The following CSMD1 variants were observed in gnomAD, a reference collection of about 807,000 sequenced individuals.
CSMD1 encodes CUB and Sushi multiple domains 1.
A neutral mutation model predicts 417.5 loss-of-function variants in CSMD1; 213 were observed. The observed-to-expected ratio is 0.51, with a 90% CI of 0.46 to 0.57. The LOEUF is 0.57. Ranked by LOEUF, CSMD1 falls within the 20% of genes least tolerant of loss-of-function variation. The pLI is 0.00. For synonymous variants in CSMD1, 2,862 were observed against 1,736.8 expected, an observed-to-expected ratio of 1.65 and a Z score of -16.11; for missense variants, 6,923 against 4,529.7, an observed-to-expected ratio of 1.53 and a Z score of -15.17.
At chr8:4,106,112 G>A (rs763646998) in intron 3 of CSMD1, among the ~76,000 whole-genome samples, 2 of 152,210 alleles carry the variant, frequency 1.3e-5, no homozygotes, top group South Asian at 4.1e-4. Context: ...ACCCTTGTGG[G>A]TGGAGGGAAA....
At chr8:2,990,502 C>G (rs539977247) in intron 54 of CSMD1, among the ~76,000 whole-genome samples, 2 of 152,130 alleles carry the variant, frequency 1.3e-5, no homozygotes, top group Admixed American at 6.5e-5. Flanking sequence ...CCTCTCTCTA[C>G]GAACCCATTA....
At chr8:3,138,096 G>A (rs1356281059) in intron 41 of CSMD1, among the ~76,000 whole-genome samples, 3 of 152,056 alleles carry the variant, frequency 2.0e-5, no homozygotes, top group Non-Finnish European at 4.4e-5. Context: ...CATGGTGGCG[G>A]GTGCCTGTAA....
chr8:4,740,585 T>C (rs73661106), intron 1 of CSMD1, among the ~76,000 whole-genome samples: 2,174 of 152,238 alleles, frequency 0.014, 44 homozygotes, highest in African/African-American at 0.046. Context: ...TGGTCTCAGA[T>C]AGCGTAACAA....
At chr8:3,307,593 A>AGAAACTTTAACCATGGATATTTGGT (rs1563253488) in intron 25 of CSMD1, 102 bp downstream of exon 25, 1 of 1,323,928 alleles carries the variant, frequency 7.6e-7, no homozygotes, top group African/African-American at 1.5e-5. Context: ...TCTTTAGTTC[A>AGAAACTTTAACCATGGATATTTGGT]GAAACTTTAA....
chr8:4,030,212 C>A (rs1479039649), intron 4 of CSMD1, among the ~76,000 whole-genome samples: 1 of 152,144 alleles, frequency 6.6e-6, no homozygotes, highest in Non-Finnish European at 1.5e-5. Flanking sequence ...TAGGGCGGTG[C>A]CCCAGTAGGG....
chr8:4,252,704 CATTGGTTGT>C (rs1177592399), intron 3 of CSMD1, among the ~76,000 whole-genome samples: 1 of 152,182 alleles, frequency 6.6e-6, no homozygotes, highest in Non-Finnish European at 1.5e-5. Flanking sequence ...AACAATATCT[CATTGGTTGT>C]ATTGGTTGTA....
At chr8:4,726,271 T>G (rs138382625) in intron 1 of CSMD1, among the ~76,000 whole-genome samples, 50 of 152,106 alleles carry the variant, frequency 3.3e-4, no homozygotes, top group African/African-American at 1.1e-3. Flanking sequence ...CCCCGCTTCT[T>G]TGATCCTTTG....
At chr8:3,334,896 G>T (rs370664254) in intron 23 of CSMD1, among the ~76,000 whole-genome samples, 3 of 152,208 alleles carry the variant, frequency 2.0e-5, no homozygotes, top group Non-Finnish European at 2.9e-5. Flanking sequence ...GTCACCACTG[G>T]GTGATCCCAT....
chr8:3,405,385 G>C (rs778809371), intron 15 of CSMD1, among the ~76,000 whole-genome samples: 31 of 152,066 alleles, frequency 2.0e-4, no homozygotes, highest in Non-Finnish European at 3.1e-4. Flanking sequence ...ATATTTATTA[G>C]ATAAGTAACC....
At chr8:3,612,504 G>C (rs1801943823) in intron 8 of CSMD1, among the ~76,000 whole-genome samples, 1 of 152,056 alleles carries the variant, frequency 6.6e-6, no homozygotes, top group East Asian at 1.9e-4. Flanking sequence ...TAAAATATGT[G>C]TTATTTTCAA....
At chr8:4,461,716 C>A (rs980420395) in intron 2 of CSMD1, among the ~76,000 whole-genome samples, 1 of 147,442 alleles carries the variant, frequency 6.8e-6, no homozygotes, top group Admixed American at 6.9e-5. Context: ...ATAGCCAGCT[C>A]ATCTTATTTA....
intron 7 of CSMD1, among the ~76,000 whole-genome samples, chr8:3,692,503 G>C (rs566109669): frequency 7.1e-6 from 1 of 140,358 alleles, no homozygotes; most frequent in Non-Finnish European, 1.5e-5. Context: ...GTGCACTGGC[G>C]CGATATCGGC....
At chr8:3,660,956 G>C (rs1394017889) in intron 7 of CSMD1, among the ~76,000 whole-genome samples, 6 of 152,152 alleles carry the variant, frequency 3.9e-5, no homozygotes, top group Non-Finnish European at 7.3e-5. Context: ...AGACTGACAG[G>C]TGTGAAGCAG....
intron 1 of CSMD1, among the ~76,000 whole-genome samples, chr8:4,663,361 T>G (rs1328070927): frequency 6.6e-6 from 1 of 152,174 alleles, no homozygotes; most frequent in Non-Finnish European, 1.5e-5. Context: ...CTACAGGTAT[T>G]TCTTTCCTCT....
At chr8:3,893,551 A>G (rs919280064) in intron 5 of CSMD1, among the ~76,000 whole-genome samples, 2 of 151,712 alleles carry the variant, frequency 1.3e-5, no homozygotes, top group South Asian at 4.2e-4. Flanking sequence ...ACCAAAGGCA[A>G]ACGCCACTGC....
At chr8:4,706,886 T>G (rs907171407) in intron 1 of CSMD1, among the ~76,000 whole-genome samples, 19 of 152,154 alleles carry the variant, frequency 1.2e-4, no homozygotes, top group Non-Finnish European at 5.9e-5. Context: ...TTCAGTGAAA[T>G]GAGAAAGGCA....
intron 6 of CSMD1, among the ~76,000 whole-genome samples, chr8:3,726,104 A>C (rs371219771): frequency 5.3e-5 from 8 of 152,156 alleles, no homozygotes; most frequent in African/African-American, 1.9e-4. Flanking sequence ...CGGGAATGCC[A>C]CCTAGTAAGG....
chr8:3,314,011 A>G (rs968364400), intron 23 of CSMD1, among the ~76,000 whole-genome samples: 4 of 152,124 alleles, frequency 2.6e-5, no homozygotes, highest in Admixed American at 1.3e-4. Context: ...TCAGCAAACT[A>G]TCACAAGGAC....
At chr8:3,136,465 A>G (rs1818096397) in intron 41 of CSMD1, among the ~76,000 whole-genome samples, 1 of 151,832 alleles carries the variant, frequency 6.6e-6, no homozygotes, top group African/African-American at 2.4e-5. Context: ...GGGTTTCACC[A>G]TGTTGGCCAG....
Sources: allele counts gnomAD v4.1 joint callset (sites outside exome capture counted in the v4.1 genomes callset), GRCh38; gene constraint gnomAD v4.1.1; transcripts MANE v1.5; gene names NCBI Gene and HGNC (gene_info 2026-07-23, HGNC 2026-07-21).